Variants in BACH1 observed in about 807,000 individuals in gnomAD.
BACH1 encodes the protein transcription regulator protein BACH1.
Under a neutral mutation model 52.9 loss-of-function variants are expected in BACH1, and 35 were observed. That is an observed-to-expected ratio of 0.66 (90% CI 0.51 to 0.88). BACH1 has a LOEUF of 0.88. Among genes scored for constraint, BACH1 ranks in the 40% least tolerant of loss-of-function variants. The probability of loss-of-function intolerance (pLI) is 0.00; values close to 1 mark genes in which losing one functional copy is unlikely to be tolerated. For synonymous variants in BACH1, 321 were observed against 319.6 expected (o/e 1.00, Z -0.05); for missense variants, 808 against 872.6 (o/e 0.93, Z 0.93).
Position 29,321,206 on chromosome 21 carries a change from C to T in BACH1, c.-60-15C>T, listed in dbSNP as rs1024984339. ...AAGATGTTATTTAAGTGAAATCTTG[C>T]ATGTGTGTTTGCAGGTTGATGATAA... On this transcript the variant is annotated splice_polypyrimidine_tract_variant and intron_variant, in intron 1 of 4. Transcript: ENST00000286800. The T allele has an allele frequency of 1.8e-4, 217 of 1,213,706 alleles. No homozygotes were observed. The highest frequency in any genetic ancestry group is 3.0e-5 in the Non-Finnish European group (25 of 825,764). 75.2% of individuals were successfully genotyped at this position (1,213,706 alleles called of 1,614,324 possible).
chr21:29,300,735 T>C (rs1019853365), intron 1 of BACH1: 45 of 152,238 alleles, frequency 3.0e-4, no homozygotes, highest in African/African-American at 1.1e-3. Context: ...TTGTGCGTCA[T>C]AAAAATTTGG....
rs572175215 is a variant in BACH1, at chr21:29,332,680, C to A, written c.1776+2987C>A. Among the ~76,000 whole-genome samples, 7 of 152,330 alleles carry A rather than the reference C, an allele frequency of 4.6e-5. No individual in the cohort carries two copies. In the East Asian group the frequency reaches 1.3e-3, roughly 29 times the overall value. ...GAGTGGCTTTGTGTGTCACTAAGTG[C>A]ACATGGGAAGGGTGGCTGTGGCACA... On this transcript the variant is annotated intron_variant, in intron 4 of 4. Coordinates refer to ENST00000286800, the MANE Select transcript of BACH1 (RefSeq NM_001186.4).
chr21:29,361,584 C>T (rs147500589), intron 2 of BACH1: 53 of 152,232 alleles, frequency 3.5e-4, no homozygotes, highest in African/African-American at 1.1e-3. Flanking sequence ...ACCTACGATC[C>T]GATCACCAGC....
At chr21:29,315,623 A>G (rs546102200) in intron 1 of BACH1, among the ~76,000 whole-genome samples, 2 of 152,162 alleles carry the variant, frequency 1.3e-5, no homozygotes, top group Admixed American at 6.5e-5. Context: ...CTTGTGGCCA[A>G]CCACACACAC....
intron 2 of BACH1, among the ~76,000 whole-genome samples, chr21:29,355,009 A>G (rs2089224943): frequency 6.6e-6 from 1 of 152,194 alleles, no homozygotes; most frequent in Non-Finnish European, 1.5e-5. Context: ...TTGCAGCAGC[A>G]AGATTTATTG....
chr21:29,303,369 TC>T (rs2088623331), intron 1 of BACH1, among the ~76,000 whole-genome samples: 2 of 152,222 alleles, frequency 1.3e-5, no homozygotes, highest in Admixed American at 1.3e-4. Flanking sequence ...CTGTTTTATC[TC>T]CTATGGCACT....
chr21:29,313,885 TG>T (rs74926461), intron 1 of BACH1, among the ~76,000 whole-genome samples: 1 of 152,136 alleles, frequency 6.6e-6, no homozygotes, highest in Non-Finnish European at 1.5e-5. Flanking sequence ...TTGTCTTGGT[TG>T]GGGGGGGTGG....
chr21:29,325,156 A>G (rs1001533992), intron 2 of BACH1, among the ~76,000 whole-genome samples: 7 of 151,954 alleles, frequency 4.6e-5, no homozygotes, highest in Non-Finnish European at 8.8e-5. Context: ...CGTGAACCCG[A>G]GAGGCGGAGC....
chr21:29,343,681 C>G lies in BACH1; in HGVS notation c.*848C>G, dbSNP rs1248926051. ...CACTGGCAGCATTATCTCAGGCTCC[C>G]TAGAATCTGGAGAGCTTACCAACAT... On this transcript the variant is annotated 3_prime_UTR_variant, in exon 5 of 5. Coordinates refer to ENST00000286800, the MANE Select transcript of BACH1 (RefSeq NM_001186.4). The G allele has an allele frequency of 6.6e-6, 1 of 152,150 alleles. No homozygotes were observed. Among genetic ancestry groups the G allele is most frequent in the African/African-American group, 2.4e-5 (1 of 41,432 alleles). 9.4% of individuals were successfully genotyped at this position (152,150 alleles called of 1,614,324 possible).
intron 1 of BACH1, among the ~76,000 whole-genome samples, chr21:29,314,986 A>G (rs2088769709): frequency 1.3e-5 from 2 of 152,180 alleles, no homozygotes; most frequent in East Asian, 1.9e-4. Flanking sequence ...CTTGGGAAGA[A>G]TGTTGTCTTA....
chr21:29,317,638 T>C (rs900047890), intron 1 of BACH1, among the ~76,000 whole-genome samples: 2 of 152,290 alleles, frequency 1.3e-5, no homozygotes, highest in Non-Finnish European at 2.9e-5. Flanking sequence ...TTAAGGATTT[T>C]GAAGTGATAT....
chr21:29,331,347 A>T (rs2088979838), intron 4 of BACH1, among the ~76,000 whole-genome samples: 1 of 152,178 alleles, frequency 6.6e-6, no homozygotes, highest in Non-Finnish European at 1.5e-5. Context: ...GAGTTTATCC[A>T]GTTTTCTTAC....
At chr21:29,356,829 T>A (rs1179859430) in intron 2 of BACH1, among the ~76,000 whole-genome samples, 1 of 148,242 alleles carries the variant, frequency 6.7e-6, no homozygotes, top group African/African-American at 2.5e-5. Context: ...TAGGGTACAC[T>A]GTTTTTCCTT....
At chr21:29,322,361 G>T (rs1465832533) in intron 2 of BACH1, among the ~76,000 whole-genome samples, 2 of 152,172 alleles carry the variant, frequency 1.3e-5, no homozygotes, top group African/African-American at 2.4e-5. Flanking sequence ...GTATTGATTA[G>T]AAAAAATAAA....
At chr21:29,327,551 G>A (rs1185419306) in intron 3 of BACH1, among the ~76,000 whole-genome samples, 158 bp downstream of exon 3, 1 of 152,226 alleles carries the variant, frequency 6.6e-6, no homozygotes, top group Non-Finnish European at 1.5e-5. Context: ...ATAGGGCTGG[G>A]CGCAGTGGCC....
intron 1 of BACH1, among the ~76,000 whole-genome samples, chr21:29,303,601 A>T (rs779855259): frequency 1.4e-4 from 21 of 152,242 alleles, no homozygotes; most frequent in Admixed American, 3.9e-4. Flanking sequence ...GTGATTATTG[A>T]GAAGGCAGCT....
At chr21:29,312,685 A>C (rs550616716) in intron 1 of BACH1, among the ~76,000 whole-genome samples, 2 of 152,230 alleles carry the variant, frequency 1.3e-5, no homozygotes, top group Non-Finnish European at 2.9e-5. Flanking sequence ...AACTATAAAC[A>C]TTAAATGCTG....
At chr21:29,325,098 C>T (rs1166580222) in intron 2 of BACH1, among the ~76,000 whole-genome samples, 1 of 152,080 alleles carries the variant, frequency 6.6e-6, no homozygotes, top group East Asian at 1.9e-4. Flanking sequence ...GGCATGGTGG[C>T]AGGCACCTGT....
At position 29,343,915 on chromosome 21, in the gene BACH1, A is replaced by C. The variant is rs1222136079; in HGVS notation, c.*1082A>C. The C allele has an allele frequency of 6.6e-6, 1 of 152,216 alleles. No individual in the cohort carries two copies. Among genetic ancestry groups the C allele is most frequent in the African/African-American group, 2.4e-5 (1 of 41,452 alleles). 9.4% of individuals were successfully genotyped at this position (152,216 alleles called of 1,614,324 possible). On this transcript the variant is annotated 3_prime_UTR_variant, in exon 5 of 5. Coordinates refer to ENST00000286800, the MANE Select transcript of BACH1 (RefSeq NM_001186.4). ...AGGTTTGTGAAATAGGATGAAACTC[A>C]ATCTTTTTCTATTGTGGGTTTGCAT... is the stretch of plus-strand genomic sequence containing the variant.
Sources: allele counts gnomAD v4.1 joint callset (sites outside exome capture counted in the v4.1 genomes callset), GRCh38; gene constraint gnomAD v4.1.1; transcripts MANE v1.5; gene names NCBI Gene and HGNC (gene_info 2026-07-23, HGNC 2026-07-21).